The following SH3D19 variants were observed in gnomAD, a reference collection of about 807,000 sequenced individuals.
SH3D19 encodes SH3 domain containing 19.
Under a neutral mutation model 112.1 loss-of-function variants are expected in SH3D19, and 58 were observed. The observed-to-expected ratio is 0.52, with a 90% confidence interval of 0.42 to 0.64. SH3D19 has a LOEUF of 0.64. Ranked by LOEUF, SH3D19 falls within the 30% of genes least tolerant of loss-of-function variation. The pLI is 0.00. For synonymous variants in SH3D19, 391 were observed against 448.5 expected (o/e 0.87, Z 1.62); for missense variants, 1,090 against 1,263.4 (o/e 0.86, Z 2.08).
intron 2 of SH3D19, among the ~76,000 whole-genome samples, chr4:151,209,091 C>G (rs896687275): frequency 1.9e-4 from 29 of 152,012 alleles, no homozygotes; most frequent in African/African-American, 6.3e-4. Context: ...TTAATTAGCT[C>G]CATTTATAGA....
At chr4:151,147,404 T>C (rs1754120982) in intron 11 of SH3D19, among the ~76,000 whole-genome samples, 2 of 151,250 alleles carry the variant, frequency 1.3e-5, no homozygotes, top group African/African-American at 4.9e-5. Flanking sequence ...CCTGCCCTGC[T>C]TTCTCTCCTC....
At chr4:151,203,875 T>C (rs1032047595) in intron 2 of SH3D19, among the ~76,000 whole-genome samples, 5 of 152,208 alleles carry the variant, frequency 3.3e-5, no homozygotes, top group Admixed American at 2.6e-4. Flanking sequence ...CTGGTCACCA[T>C]GCTAATATTA....
chr4:151,292,520 C>A (rs1009646524), intron 1 of SH3D19, among the ~76,000 whole-genome samples: 2 of 152,136 alleles, frequency 1.3e-5, no homozygotes, highest in Admixed American at 6.5e-5. Context: ...ATATTTGGAA[C>A]AAAGGACATT....
At chr4:151,127,797 T>C in intron 18 of SH3D19, 82 bp from the exon 19 acceptor site, 1 of 738,844 alleles carries the variant, frequency 1.4e-6, no homozygotes, top group Non-Finnish European at 2.1e-6. Context: ...AAAAAACGCT[T>C]ATCGCTCTAA....
rs561283769 is a variant in SH3D19, at chr4:151,320,164, C to A, written c.112+5077G>T. ...GTTATTTTACTCAAAGCACAACAGA[C>A]AACAGTTATATCAGTCCTTCCAGGG... On this transcript the variant is annotated intron_variant, in intron 1 of 19. Coordinates refer to ENST00000604030, the MANE Select transcript of SH3D19 (RefSeq NM_001378122.1). 2.3e-3 allele frequency among the ~76,000 whole-genome samples: 355 copies of A among 152,300 alleles called. 1 individual carries two copies. In the Middle Eastern group the frequency reaches 0.034, roughly 15 times the overall value.
chr4:151,287,610 T>C (rs1364970225), intron 1 of SH3D19, among the ~76,000 whole-genome samples: 1 of 152,130 alleles, frequency 6.6e-6, no homozygotes, highest in Non-Finnish European at 1.5e-5. Flanking sequence ...ATGTGGGTTC[T>C]TTTTAGGATG....
rs1373357921 is a variant in SH3D19, at chr4:151,175,039, G to A, written c.1165C>T (p.Pro389Ser). ...TKPELPKKPNPGLIRSVNPEI... is the reference protein window; with the variant it reads ...TKPELPKKPNSGLIRSVNPEI... Reference sequence around the variant, plus strand: ...GGATTAACACTTCGTATAAGGCCAGGGTTTGGTTTCTTTGGCAATTCAGGT... The same window carrying A: ...GGATTAACACTTCGTATAAGGCCAGAGTTTGGTTTCTTTGGCAATTCAGGT... The change falls in exon 7 of 20, where the codon CCT becomes TCT. Residue 389 changes from proline (P) to serine (S), a missense_variant. By Grantham distance (74) the Pro-to-Ser change is moderately conservative (BLOSUM62 -1). Coordinates refer to ENST00000604030, the MANE Select transcript of SH3D19 (RefSeq NM_001378122.1). 3 of 1,614,064 alleles carry A rather than the reference G, an allele frequency of 1.9e-6. No homozygotes were observed. In the African/African-American group the frequency reaches 4.0e-5, roughly 22 times the overall value.
intron 8 of SH3D19, among the ~76,000 whole-genome samples, chr4:151,161,052 G>C (rs1484790911): frequency 6.6e-6 from 1 of 152,180 alleles, no homozygotes; most frequent in Non-Finnish European, 1.5e-5. Context: ...AAGTAGAAAG[G>C]AGATAGCTTA....
intron 3 of SH3D19, among the ~76,000 whole-genome samples, chr4:151,180,698 G>A (rs1023426867): frequency 4.0e-5 from 6 of 150,792 alleles, no homozygotes; most frequent in Middle Eastern, 3.6e-3. Context: ...GAGCCACTGC[G>A]CCCGACACAT....
rs146586424 is a variant in SH3D19, at chr4:151,197,541, T to C, written c.153-10078A>G. Among the ~76,000 whole-genome samples, 334 of 152,336 alleles carry C rather than the reference T, an allele frequency of 2.2e-3. 2 individuals carry two copies. The highest frequency in any genetic ancestry group is 7.6e-3 in the African/African-American group (315 of 41,578). ...GGGGTGTGTGCATGCACGTGACTAT[T>C]TGGGAAGAGCCTTAACCTCAACATG... is the stretch of plus-strand genomic sequence containing the variant. On this transcript the variant is annotated intron_variant, in intron 2 of 19. Transcript: ENST00000604030.
At chr4:151,223,495 A>T (rs1229882974) in intron 2 of SH3D19, among the ~76,000 whole-genome samples, 1 of 152,104 alleles carries the variant, frequency 6.6e-6, no homozygotes, top group Non-Finnish European at 1.5e-5. Context: ...GATGTCCAGG[A>T]TCATCTTGTA....
At chr4:151,214,403 G>T (rs1354239698) in intron 2 of SH3D19, among the ~76,000 whole-genome samples, 1 of 49,452 alleles carries the variant, frequency 2.0e-5, no homozygotes, top group Non-Finnish European at 1.1e-4. Context: ...CAGACGGGGT[G>T]GTGGCCGGGC....
chr4:151,209,272 C>T (rs1289438861), intron 2 of SH3D19, among the ~76,000 whole-genome samples: 1 of 150,008 alleles, frequency 6.7e-6, no homozygotes, highest in Non-Finnish European at 1.5e-5. Context: ...CCTAAACAAT[C>T]GAAAAAGTAT....
intron 1 of SH3D19, among the ~76,000 whole-genome samples, chr4:151,258,617 G>A (rs985562377): frequency 1.3e-5 from 2 of 152,170 alleles, no homozygotes; most frequent in Non-Finnish European, 2.9e-5. Context: ...CCCTCAGGCT[G>A]AATCCCAGAC....
At chr4:151,168,891 G>C (rs1406713111) in intron 7 of SH3D19, among the ~76,000 whole-genome samples, 2 of 151,870 alleles carry the variant, frequency 1.3e-5, no homozygotes, top group Non-Finnish European at 2.9e-5. Context: ...ATTAAATTCT[G>C]GGCCAGTATA....
intron 1 of SH3D19, among the ~76,000 whole-genome samples, chr4:151,237,377 C>T (rs1770184954): frequency 6.6e-6 from 1 of 152,158 alleles, no homozygotes; most frequent in African/African-American, 2.4e-5. Context: ...TTGTACATCT[C>T]AGAATAACAG....
chr4:151,150,206 A>AAAAAT (rs1273707426), intron 9 of SH3D19, among the ~76,000 whole-genome samples: 972 of 45,882 alleles, frequency 0.021, 98 homozygotes, highest in Non-Finnish European at 0.031. Context: ...AAAAAAAAAA[A>AAAAAT]ATATATATAT....
chr4:151,157,581 A>G (rs1756366064), intron 9 of SH3D19, among the ~76,000 whole-genome samples: 1 of 152,224 alleles, frequency 6.6e-6, no homozygotes, highest in Non-Finnish European at 1.5e-5. Flanking sequence ...CAGCAAGCCC[A>G]CTACTGGGAA....
chr4:151,306,383 G>A lies in SH3D19; in HGVS notation c.112+18858C>T, dbSNP rs112258739. Among the ~76,000 whole-genome samples the A allele has an allele frequency of 4.2e-3, 638 of 152,262 alleles. 1 individual carries two copies. Among genetic ancestry groups the A allele is most frequent in the Non-Finnish European group, 7.4e-3 (502 of 68,016 alleles). ...TTATTTTAATAACAGGATGACAAAA[G>A]AACCTGCCTTCCAGGATTGTTAGGA... is the stretch of plus-strand genomic sequence containing the variant. On this transcript the variant is annotated intron_variant, in intron 1 of 19. Coordinates refer to ENST00000604030, the MANE Select transcript of SH3D19 (RefSeq NM_001378122.1).
Sources: allele counts gnomAD v4.1 joint callset (sites outside exome capture counted in the v4.1 genomes callset), GRCh38; gene constraint gnomAD v4.1.1; transcripts MANE v1.5; gene names NCBI Gene and HGNC (gene_info 2026-07-23, HGNC 2026-07-21).